Variants in MUCL1 observed in about 807,000 individuals in gnomAD.
MUCL1 encodes the protein mucin-like protein 1.
A neutral mutation model predicts 9.2 loss-of-function variants in MUCL1; 11 were observed. The ratio of observed to expected loss-of-function variants is 1.19; its 90% CI spans 0.75 to 1.97. The LOEUF (loss-of-function observed/expected upper bound fraction) is 1.97, where lower values mean the gene tolerates loss of function less well. Ranked by LOEUF, MUCL1 falls within the 30% of genes most tolerant of loss-of-function variation. MUCL1 has a pLI of 0.00. For missense variants in MUCL1, 144 were observed against 110.9 expected (o/e 1.30, Z -1.34); for synonymous variants, 48 against 40.5 (o/e 1.19, Z -0.71).
At chr12:54,854,483 A>C, upstream of MUCL1, 4 of 893,798 alleles carry the variant, frequency 4.5e-6, no homozygotes, top group Non-Finnish European at 7.1e-6. Context: ...TGCCCTCTGC[A>C]TATATATTGT....
chr12:54,848,815 G>A (rs1959294120), intron 1 of MUCL1, among the ~76,000 whole-genome samples: 2 of 152,036 alleles, frequency 1.3e-5, no homozygotes, highest in Non-Finnish European at 2.9e-5. Context: ...ATTTGTTCTT[G>A]TTATTTTAAT....
intron 3 of MUCL1, among the ~76,000 whole-genome samples, chr12:54,857,929 T>C (rs975386417): frequency 3.9e-5 from 6 of 152,170 alleles, no homozygotes; most frequent in African/African-American, 1.4e-4. Context: ...TGCCATATTA[T>C]AGGAAAACTC....
At chr12:54,853,496 C>A (rs1281579288), upstream of MUCL1, among the ~76,000 whole-genome samples, 1 of 152,200 alleles carries the variant, frequency 6.6e-6, no homozygotes, top group Non-Finnish European at 1.5e-5. Flanking sequence ...TTCCTTCAGA[C>A]TGACCATTTC....
chr12:54,832,958 G>C (rs543365732), intron 1 of MUCL1, among the ~76,000 whole-genome samples: 1 of 151,984 alleles, frequency 6.6e-6, no homozygotes, highest in Admixed American at 6.6e-5. Flanking sequence ...AAATAACCAA[G>C]CTTCCTTATT....
At chr12:54,854,029 A>G (rs1459301311), upstream of MUCL1, among the ~76,000 whole-genome samples, 1 of 151,970 alleles carries the variant, frequency 6.6e-6, no homozygotes, top group Non-Finnish European at 1.5e-5. Context: ...ACCTAATTAC[A>G]TGTTCAGGAG....
At chr12:54,856,743 A>T in intron 2 of MUCL1, 27 bp from the exon 3 acceptor site, 1 of 1,585,832 alleles carries the variant, frequency 6.3e-7, no homozygotes, top group East Asian at 2.3e-5. Flanking sequence ...AGTCAGTCTC[A>T]CCTAGAGCTT....
chr12:54,857,567 A>G (rs1868310123), intron 3 of MUCL1, among the ~76,000 whole-genome samples: 1 of 152,150 alleles, frequency 6.6e-6, no homozygotes. Flanking sequence ...TTACATATGT[A>G]TTATAATTTA....
At position 54,845,449 on chromosome 12, in the gene MUCL1, GT is replaced by G. The variant is rs562202894; in HGVS notation, c.43+6004del. On this transcript the variant is annotated intron_variant, in intron 1 of 3. Coordinates refer to the MUCL1 transcript ENST00000546809. ...AATGCAACAAGATGTGATCTGATTGGTTAATGCAAAGAGGTGGCGACGGTTT... is the reference window on the plus strand; with the variant it reads ...AATGCAACAAGATGTGATCTGATTGGTAATGCAAAGAGGTGGCGACGGTTT... Among the ~76,000 whole-genome samples, 652 of 152,234 alleles carry G rather than the reference GT, an allele frequency of 4.3e-3. 3 individuals are homozygous for G. Among genetic ancestry groups the G allele is most frequent in the African/African-American group, 0.015 (616 of 41,530 alleles).
chr12:54,854,496 G>T, upstream of MUCL1: 1 of 1,026,064 alleles, frequency 9.7e-7, no homozygotes, highest in Non-Finnish European at 1.5e-6. Flanking sequence ...TATATTGTCA[G>T]GATGTGGAAT....
At chr12:54,854,030 T>C (rs1038804166), upstream of MUCL1, among the ~76,000 whole-genome samples, 2 of 151,912 alleles carry the variant, frequency 1.3e-5, no homozygotes, top group Non-Finnish European at 2.9e-5. Context: ...CCTAATTACA[T>C]GTTCAGGAGG....
intron 1 of MUCL1, among the ~76,000 whole-genome samples, chr12:54,840,687 A>G (rs759025611): frequency 2.0e-5 from 3 of 152,172 alleles, no homozygotes; most frequent in South Asian, 2.1e-4. Context: ...ATATGTGGGT[A>G]TAAGCAGTGA....
chr12:54,848,858 A>G (rs1310095799), intron 1 of MUCL1, among the ~76,000 whole-genome samples: 2 of 152,204 alleles, frequency 1.3e-5, no homozygotes, highest in East Asian at 3.8e-4. Flanking sequence ...TGTTGGTAAT[A>G]CATATTAAAT....
In MUCL1 at chr12:54,858,248, A is replaced by C; in HGVS notation, c.*6A>C. 1 of 1,613,466 alleles carries C rather than the reference A, an allele frequency of 6.2e-7. No homozygotes were observed. Among genetic ancestry groups the C allele is most frequent in the South Asian group, 1.1e-5 (1 of 91,054 alleles). On this transcript the variant is annotated 3_prime_UTR_variant, in exon 4 of 4. Coordinates refer to ENST00000308796, the MANE Select transcript of MUCL1 (RefSeq NM_058173.3). ...ATGGTAGAGTGTGTCCCTGAGATGG[A>C]ATCAGCTTGAGTCTTCTGCAATTGG...
upstream of MUCL1, among the ~76,000 whole-genome samples, chr12:54,851,225 G>A (rs1470014841): frequency 1.3e-5 from 2 of 152,104 alleles, no homozygotes; most frequent in Non-Finnish European, 2.9e-5. Flanking sequence ...TAGACATGAA[G>A]TCCTTGCCCA....
chr12:54,843,708 T>C (rs9788234), intron 1 of MUCL1, among the ~76,000 whole-genome samples: 1 of 151,902 alleles, frequency 6.6e-6, no homozygotes, highest in Non-Finnish European at 1.5e-5. Flanking sequence ...ACAAGGCAAG[T>C]AATGTGAGCA....
intron 1 of MUCL1, among the ~76,000 whole-genome samples, chr12:54,840,351 A>T (rs139717482): frequency 1.2e-4 from 18 of 152,330 alleles, no homozygotes; most frequent in Admixed American, 9.1e-4. Context: ...GCTCAGCCAG[A>T]GTGATGCAGA....
intron 2 of MUCL1, 147 bp from the exon 3 acceptor site, chr12:54,856,623 T>C: frequency 9.2e-7 from 1 of 1,083,120 alleles, no homozygotes; most frequent in East Asian, 2.6e-5. Context: ...ACAAGGAAAG[T>C]AGGCAGGTAG....
At chr12:54,833,056 G>C (rs1959187466) in intron 1 of MUCL1, among the ~76,000 whole-genome samples, 2 of 151,970 alleles carry the variant, frequency 1.3e-5, no homozygotes, top group Non-Finnish European at 2.9e-5. Context: ...ATTCGTTACT[G>C]TAACTTTATA....
chr12:54,854,486 T>G, upstream of MUCL1: 1 of 922,604 alleles, frequency 1.1e-6, no homozygotes, highest in Non-Finnish European at 1.7e-6. Context: ...CCTCTGCATA[T>G]ATATTGTCAG....
Sources: gnomAD v4.1 joint callset for allele counts (sites outside exome capture counted in the v4.1 genomes callset) on GRCh38, gnomAD v4.1.1 for gene constraint, MANE v1.5 for transcripts, NCBI Gene and HGNC (gene_info 2026-07-23, HGNC 2026-07-21) for gene names.